The following USP47 variants were observed in gnomAD, a reference collection of about 807,000 sequenced individuals.
USP47 encodes the protein ubiquitin carboxyl-terminal hydrolase 47.
USP47 carries 35 observed loss-of-function variants against 165.1 expected under a neutral mutation model. The ratio of observed to expected loss-of-function variants is 0.21; its 90% CI spans 0.16 to 0.28. The LOEUF is 0.28. Ranked by LOEUF, USP47 falls within the 10% of genes least tolerant of loss-of-function variation. The pLI is 1.00. For synonymous variants in USP47, 531 were observed against 544.5 expected (o/e 0.98, Z 0.35); for missense variants, 1,277 against 1,607.4 (o/e 0.79, Z 3.52).
chr11:11,960,481 C>A lies in USP47; in HGVS notation c.*4306C>A, dbSNP rs1477044589. Among the ~76,000 whole-genome samples the A allele has an allele frequency of 6.6e-6, 1 of 152,220 alleles. No homozygotes were observed. The highest frequency in any genetic ancestry group is 1.5e-5 in the Non-Finnish European group (1 of 68,028). On this transcript the variant is annotated 3_prime_UTR_variant, in exon 28 of 28. Transcript: ENST00000527733. ...TTCTCTGCAGTGAATACCACTATCC[C>A]ATGCTGCACTAGTCCCTACCAAGTC...
intron 22 of USP47, 45 bp from the exon 23 acceptor site, chr11:11,949,844 T>G (rs746541548): frequency 3.0e-6 from 4 of 1,322,344 alleles, no homozygotes; most frequent in Non-Finnish European, 4.3e-6. Context: ...ATTAATGTAC[T>G]TAAGGTATAA....
intron 1 of USP47, among the ~76,000 whole-genome samples, chr11:11,879,450 GGT>G (rs1850689369): frequency 6.6e-6 from 1 of 152,078 alleles, no homozygotes. Flanking sequence ...GTGGAAAAGT[GGT>G]GTCCTTTAAC....
At chr11:11,889,904 C>T (rs61870723) in intron 3 of USP47, among the ~76,000 whole-genome samples, 2,552 of 152,188 alleles carry the variant, frequency 0.017, 33 homozygotes, top group Middle Eastern at 0.034. Flanking sequence ...TAAGACCACA[C>T]ATCTACAACC....
intron 10 of USP47, among the ~76,000 whole-genome samples, chr11:11,921,845 T>A (rs1853861075): frequency 6.6e-6 from 1 of 151,932 alleles, no homozygotes; most frequent in Admixed American, 6.6e-5. Flanking sequence ...TATATCTCTT[T>A]GGACTTAGAT....
chr11:11,882,633 T>C (rs541763119), intron 2 of USP47, among the ~76,000 whole-genome samples: 1 of 152,224 alleles, frequency 6.6e-6, no homozygotes, highest in Admixed American at 6.5e-5. Flanking sequence ...ATATATAATA[T>C]CATCTTTTAC....
At chr11:11,918,852 G>A (rs1853616550) in intron 8 of USP47, among the ~76,000 whole-genome samples, 1 of 151,900 alleles carries the variant, frequency 6.6e-6, no homozygotes, top group African/African-American at 2.4e-5. Context: ...TATTTGGAAA[G>A]CCTGACATTT....
chr11:11,869,465 A>T (rs1325156434), intron 1 of USP47, among the ~76,000 whole-genome samples: 1 of 152,062 alleles, frequency 6.6e-6, no homozygotes, highest in African/African-American at 2.4e-5. Flanking sequence ...TGATCTATTT[A>T]TCTCTCTACA....
intron 27 of USP47, among the ~76,000 whole-genome samples, chr11:11,955,539 T>A (rs575813232): frequency 9.2e-5 from 14 of 152,340 alleles, no homozygotes; most frequent in African/African-American, 3.4e-4. Flanking sequence ...ACAAGCTCAA[T>A]AGCCACATGT....
chr11:11,919,165 C>T (rs1428695456), intron 8 of USP47, among the ~76,000 whole-genome samples: 1 of 151,868 alleles, frequency 6.6e-6, no homozygotes, highest in Admixed American at 6.6e-5. Flanking sequence ...CTCTATCAAA[C>T]AATATGTGGA....
chr11:11,870,280 C>T lies in USP47; in HGVS notation c.40-9897C>T, dbSNP rs372415180. Among the ~76,000 whole-genome samples the T allele has an allele frequency of 5.9e-5, 9 of 151,452 alleles. 1 individual carries two copies. In the South Asian group the frequency reaches 1.7e-3, roughly 28 times the overall value. On this transcript the variant is annotated intron_variant, in intron 1 of 27. Transcript: ENST00000527733. ...CAAGTGAAATGTAGAAACCTTATTT[C>T]CCTTCATGTATTTTTACCCTACCCT...
rs1475032023 is a variant in USP47, at chr11:11,922,157, G to A, written c.1219-567G>A. Among the ~76,000 whole-genome samples the A allele has an allele frequency of 4.2e-5, 5 of 119,816 alleles. No homozygotes were observed. In the East Asian group the frequency reaches 1.1e-3, roughly 26 times the overall value. 78.6% of individuals were successfully genotyped at this position (119,816 alleles called of 152,430 possible). A position where few individuals can be genotyped will look rare whatever the true frequency, so the allele number is the denominator to read the frequency against. ...AGAATTCTTCAAATTAAATTTGTGT[G>A]AATGTGGTTTAAAACCATAAAGTAG... On this transcript the variant is annotated intron_variant, in intron 10 of 27. Transcript: ENST00000527733.
In USP47 at chr11:11,842,109, T is replaced by C; in HGVS notation, c.-77T>C. On this transcript the variant is annotated 5_prime_UTR_variant, in exon 1 of 28. Transcript: ENST00000527733. Reference sequence around the variant, plus strand: ...GCGGAGAGGATGACTGCCGCTGCCATTCTCTCTTGAGCTAGCGAGCCGCCG... The same window carrying C: ...GCGGAGAGGATGACTGCCGCTGCCACTCTCTCTTGAGCTAGCGAGCCGCCG... 1 of 1,521,636 alleles carries C rather than the reference T, an allele frequency of 6.6e-7. No individual in the cohort carries two copies. Among genetic ancestry groups the C allele is most frequent in the African/African-American group, 1.4e-5 (1 of 72,234 alleles). 94.3% of individuals were successfully genotyped at this position (1,521,636 alleles called of 1,614,324 possible).
At chr11:11,890,210 TTAAAC>T (rs2134367538) in intron 3 of USP47, among the ~76,000 whole-genome samples, 1 of 152,226 alleles carries the variant, frequency 6.6e-6, no homozygotes, top group African/African-American at 2.4e-5. Flanking sequence ...ATGGATCTAA[TTAAAC>T]TAAAGGGCTT....
chr11:11,883,179 C>T (rs1284268609), intron 2 of USP47, among the ~76,000 whole-genome samples: 1 of 152,204 alleles, frequency 6.6e-6, no homozygotes, highest in East Asian at 1.9e-4. Flanking sequence ...CCTTTCTTCC[C>T]TCCATGTGGC....
chr11:11,863,924 G>A (rs1159769902), intron 1 of USP47, among the ~76,000 whole-genome samples: 2 of 152,112 alleles, frequency 1.3e-5, no homozygotes, highest in African/African-American at 4.8e-5. Flanking sequence ...TCTAAGATTA[G>A]CCATTTCTGC....
chr11:11,846,138 C>T (rs1441772558), intron 1 of USP47, among the ~76,000 whole-genome samples: 4 of 152,080 alleles, frequency 2.6e-5, no homozygotes, highest in East Asian at 1.9e-4. Context: ...GCTTTTCACC[C>T]GTTTCATTCT....
At chr11:11,882,678 G>A (rs1419958767) in intron 2 of USP47, among the ~76,000 whole-genome samples, 1 of 151,968 alleles carries the variant, frequency 6.6e-6, no homozygotes, top group Non-Finnish European at 1.5e-5. Flanking sequence ...TCCTCATGCC[G>A]CTTTAAAAGT....
At chr11:11,861,303 C>CT (rs1472821501) in intron 1 of USP47, among the ~76,000 whole-genome samples, 3 of 152,166 alleles carry the variant, frequency 2.0e-5, no homozygotes, top group East Asian at 3.9e-4. Context: ...ACCATGTTGG[C>CT]TAGGGTGGTC....
At chr11:11,955,479 G>C (rs1369843390) in intron 27 of USP47, among the ~76,000 whole-genome samples, 1 of 152,042 alleles carries the variant, frequency 6.6e-6, no homozygotes, top group Admixed American at 6.5e-5. Flanking sequence ...TAGAAATATT[G>C]TATGTCTGTT....
Sources: gnomAD v4.1 joint callset for allele counts (sites outside exome capture counted in the v4.1 genomes callset) on GRCh38, gnomAD v4.1.1 for gene constraint, MANE v1.5 for transcripts, NCBI Gene and HGNC (gene_info 2026-07-23, HGNC 2026-07-21) for gene names.